The following SCML2 variants were observed in gnomAD, a reference collection of about 807,000 sequenced individuals.
The protein encoded by SCML2 is Scm polycomb group protein like 2.
Under a neutral mutation model 48.4 loss-of-function variants are expected in SCML2, and 6 were observed. The observed-to-expected ratio is 0.12, with a 90% confidence interval of 0.07 to 0.24. The LOEUF (loss-of-function observed/expected upper bound fraction) is 0.24, where lower values mean the gene tolerates loss of function less well. Ranked by LOEUF, SCML2 falls within the 10% of genes least tolerant of loss-of-function variation. The pLI is 1.00. For missense variants in SCML2, 377 were observed against 528.2 expected (o/e 0.71, Z 2.81); for synonymous variants, 181 against 189.5 (o/e 0.95, Z 0.37).
intron 1 of SCML2, among the ~76,000 whole-genome samples, chrX:18,340,708 G>A (rs1042054527): frequency 3.5e-4 from 38 of 108,158 alleles, no homozygotes; most frequent in African/African-American, 1.2e-3. Flanking sequence ...TACTCAGGAG[G>A]CTGAGGCAGG....
intron 8 of SCML2, 145 bp from the exon 9 acceptor site, chrX:18,260,436 C>A: frequency 2.2e-6 from 1 of 448,311 alleles, no homozygotes; most frequent in Non-Finnish European, 3.5e-6. Flanking sequence ...CCGTGTGTGT[C>A]ATGAACTGCA....
In SCML2 at chrX:18,240,329, T is replaced by A. The variant is rs1198122963; in HGVS notation, c.*922A>T. The A allele has an allele frequency of 8.9e-6, 1 of 112,512 alleles. No individual in the cohort carries two copies. The allele number at this position is 112,512 out of a possible 1,213,427, so 9.3% of individuals were successfully genotyped here. ...AAACCTACAGGTATAAAACAATATA[T>A]AAATATGGTAAAGTACCATATGAAG... is the stretch of plus-strand genomic sequence containing the variant. On this transcript the variant is annotated 3_prime_UTR_variant, in exon 15 of 15. Transcript: ENST00000251900.
At chrX:18,265,129 G>C (rs1377007799) in intron 8 of SCML2, among the ~76,000 whole-genome samples, 2 of 111,855 alleles carry the variant, frequency 1.8e-5, no homozygotes, top group Non-Finnish European at 3.8e-5. Flanking sequence ...GAATCTGTCT[G>C]CTTCCATTCA....
chrX:18,332,616 A>G (rs1381656339), intron 2 of SCML2, among the ~76,000 whole-genome samples: 1 of 112,025 alleles, frequency 8.9e-6, no homozygotes, highest in East Asian at 2.8e-4. Context: ...TTTTACAACT[A>G]CTAATAAATG....
At chrX:18,259,152 T>C (rs948293881) in intron 9 of SCML2, among the ~76,000 whole-genome samples, 1 of 109,419 alleles carries the variant, frequency 9.1e-6, no homozygotes, top group African/African-American at 3.3e-5. Flanking sequence ...TAGTCCCAGA[T>C]ACTTGGGAGG....
chrX:18,311,990 C>T (rs1398790406), intron 6 of SCML2, among the ~76,000 whole-genome samples: 1 of 111,659 alleles, frequency 9.0e-6, no homozygotes, highest in Admixed American at 9.6e-5. Flanking sequence ...CAGGGTTTCA[C>T]CCTGTTGGCC....
intron 1 of SCML2, among the ~76,000 whole-genome samples, chrX:18,336,935 A>C (rs1367801089): frequency 9.0e-6 from 1 of 111,338 alleles, no homozygotes; most frequent in African/African-American, 3.3e-5. Flanking sequence ...AAGGGCAGAA[A>C]ATGTAGAAAA....
At chrX:18,321,031 CAGAT>C (rs934791673) in intron 5 of SCML2, among the ~76,000 whole-genome samples, 1 of 111,058 alleles carries the variant, frequency 9.0e-6, no homozygotes, top group African/African-American at 3.3e-5. Context: ...AATAGAAGGG[CAGAT>C]AGATAGACAG....
chrX:18,325,061 G>T, intron 3 of SCML2, 84 bp from the exon 4 acceptor site: 2 of 590,247 alleles, frequency 3.4e-6, no homozygotes, highest in South Asian at 4.4e-5. Flanking sequence ...GATTAAAATG[G>T]GTTTTAGTTC....
intron 6 of SCML2, among the ~76,000 whole-genome samples, chrX:18,313,867 T>C (rs924863297): frequency 1.8e-5 from 2 of 111,626 alleles, no homozygotes; most frequent in Admixed American, 1.9e-4. Context: ...GTTGTTGTTG[T>C]TTTGTTTTGT....
rs756621779 is a variant in SCML2, at chrX:18,256,915, A to T, written c.1389T>A (p.Ser463Arg). 1 of 1,207,828 alleles carries T rather than the reference A, an allele frequency of 8.3e-7. No individual in the cohort carries two copies. Among genetic ancestry groups the T allele is most frequent in the South Asian group, 1.8e-5 (1 of 56,187 alleles). Residue 463 changes from serine (S) to arginine (R), a missense_variant, in exon 11 of 15, where the codon AGT becomes AGA. By Grantham distance (110) the Ser-to-Arg change is moderately radical. Coordinates refer to ENST00000251900, the MANE Select transcript of SCML2 (RefSeq NM_006089.3). Reference protein sequence around the residue: ...CHSLQCDNLLSSQPFSSSRGH... With the variant: ...CHSLQCDNLLRSQPFSSSRGH... The stretch of plus-strand genomic sequence containing the variant: ...CCCTGGAAGAACTAAAAGGCTGGCT[A>T]CTCAAAAGGTTATCACACTGCAGAC...
chrX:18,353,755 GCTAT>G (rs1930445614), intron 1 of SCML2, among the ~76,000 whole-genome samples: 1 of 112,833 alleles, frequency 8.9e-6, no homozygotes, highest in African/African-American at 3.2e-5. Flanking sequence ...GGCCCAGGAA[GCTAT>G]CTATGTACAA....
At chrX:18,334,002 C>A in intron 2 of SCML2, 48 bp downstream of exon 2, 1 of 1,112,015 alleles carries the variant, frequency 9.0e-7, no homozygotes. Context: ...GATATTCATT[C>A]CAAATGAGTA....
At chrX:18,334,028 G>A in intron 2 of SCML2, 22 bp downstream of exon 2, 1 of 1,180,645 alleles carries the variant, frequency 8.5e-7, no homozygotes, top group Non-Finnish European at 1.1e-6. Context: ...AAACATTATT[G>A]CCTTTAACAA....
chrX:18,346,833 C>T (rs1930215267), intron 1 of SCML2, among the ~76,000 whole-genome samples: 1 of 111,981 alleles, frequency 8.9e-6, no homozygotes, highest in Admixed American at 9.5e-5. Context: ...AATTAAAATA[C>T]ACTGTAGTTA....
intron 1 of SCML2, among the ~76,000 whole-genome samples, chrX:18,344,265 C>A (rs896992397): frequency 8.9e-6 from 1 of 112,028 alleles, no homozygotes; most frequent in Non-Finnish European, 1.9e-5. Flanking sequence ...AAAAGCATTA[C>A]AAACCCTCAA....
chrX:18,258,959 A>AT (rs1309623472), intron 9 of SCML2, among the ~76,000 whole-genome samples: 1 of 111,425 alleles, frequency 9.0e-6, no homozygotes, highest in African/African-American at 3.3e-5. Flanking sequence ...GCAAATCAAT[A>AT]TACACTATAA....
At chrX:18,298,518 G>A (rs887639324) in intron 7 of SCML2, among the ~76,000 whole-genome samples, 4 of 112,304 alleles carry the variant, frequency 3.6e-5, no homozygotes, top group African/African-American at 9.7e-5. Context: ...CACGGACACC[G>A]TTTTCAATAA....
chrX:18,273,117 G>A (rs1184956555), intron 7 of SCML2, among the ~76,000 whole-genome samples: 5 of 111,037 alleles, frequency 4.5e-5, no homozygotes, highest in Non-Finnish European at 9.4e-5. Flanking sequence ...GTCTCACATA[G>A]CAACTCTTTC....
Sources: gnomAD v4.1 joint callset for allele counts (sites outside exome capture counted in the v4.1 genomes callset) on GRCh38, gnomAD v4.1.1 for gene constraint, MANE v1.5 for transcripts, NCBI Gene and HGNC (gene_info 2026-07-23, HGNC 2026-07-21) for gene names.